UST: variants seen among roughly 807,000 people sequenced by gnomAD.
UST encodes chondroitin sulfate 2-O-sulfotransferase.
Under a neutral mutation model 45.6 loss-of-function variants are expected in UST, and 21 were observed. The observed-to-expected ratio is 0.46, with a 90% CI of 0.33 to 0.66. The LOEUF is 0.66. Ranked by LOEUF, UST falls within the 30% of genes least tolerant of loss-of-function variation. UST has a pLI of 0.02. For synonymous variants in UST, 215 were observed against 200.6 expected (o/e 1.07, Z -0.61); for missense variants, 463 against 512.4 (o/e 0.90, Z 0.93).
intron 1 of UST, among the ~76,000 whole-genome samples, chr6:148,851,029 G>A (rs1381146603): frequency 6.6e-6 from 1 of 152,090 alleles, no homozygotes; most frequent in Non-Finnish European, 1.5e-5. Context: ...TGCCATTCCA[G>A]AACTCACCCT....
At chr6:148,958,138 A>G (rs1277089933) in intron 4 of UST, among the ~76,000 whole-genome samples, 1 of 152,194 alleles carries the variant, frequency 6.6e-6, no homozygotes, top group Non-Finnish European at 1.5e-5. Flanking sequence ...GTCATGTACA[A>G]TGCGATCCCG....
chr6:149,047,885 A>T (rs917201304), intron 7 of UST, among the ~76,000 whole-genome samples: 2 of 152,218 alleles, frequency 1.3e-5, no homozygotes, highest in Non-Finnish European at 2.9e-5. Flanking sequence ...GCCCAACAAG[A>T]TTCAAAAATA....
chr6:148,877,360 ATCGTGTATGAGTGGGGGGG>A (rs1778687626), intron 1 of UST, among the ~76,000 whole-genome samples: 1 of 35,138 alleles, frequency 2.8e-5, no homozygotes, highest in African/African-American at 1.3e-4. Flanking sequence ...GAGTGCAGAG[ATCGTGTATGAGTGGGGGGG>A]TCGTGTATGA....
intron 7 of UST, among the ~76,000 whole-genome samples, chr6:149,070,570 C>T (rs564730400): frequency 6.6e-6 from 1 of 152,118 alleles, no homozygotes; most frequent in Non-Finnish European, 1.5e-5. Flanking sequence ...AAGTAATACC[C>T]TTATTCAATG....
intron 1 of UST, among the ~76,000 whole-genome samples, chr6:148,754,139 C>T (rs186882006): frequency 2.0e-4 from 31 of 151,960 alleles, no homozygotes; most frequent in Non-Finnish European, 2.6e-4. Context: ...GGACTACAGG[C>T]GGCCGCCACC....
chr6:148,753,842 A>AT (rs1489830541), intron 1 of UST, among the ~76,000 whole-genome samples: 1 of 151,800 alleles, frequency 6.6e-6, no homozygotes, highest in Non-Finnish European at 1.5e-5. Flanking sequence ...GCCATTTCTT[A>AT]TTTTCCATTT....
intron 5 of UST, among the ~76,000 whole-genome samples, chr6:149,015,505 A>G (rs1388447144): frequency 2.0e-5 from 3 of 152,182 alleles, no homozygotes; most frequent in Non-Finnish European, 1.5e-5. Flanking sequence ...GTGTGCCAAG[A>G]CTCAGGAACC....
intron 7 of UST, among the ~76,000 whole-genome samples, chr6:149,030,997 A>G (rs1408420596): frequency 6.6e-6 from 1 of 152,076 alleles, no homozygotes; most frequent in Non-Finnish European, 1.5e-5. Context: ...TCACAAGGTC[A>G]GGAGTTCGAG....
In UST at chr6:148,911,515, T is replaced by C. The variant is rs556233704; in HGVS notation, c.291+24486T>C. Among the ~76,000 whole-genome samples the C allele has an allele frequency of 1.4e-4, 21 of 152,332 alleles. No homozygotes were observed. The South Asian group carries it at 2.5e-3, about 18-fold the overall frequency. ...GGGAGGCAACTAGCTCTTACCTTAT[T>C]CTTAGCAATCTTTGGTTCTGTTGAT... On this transcript the variant is annotated intron_variant, in intron 2 of 7. Transcript: ENST00000367463.
At chr6:148,903,687 A>T (rs1416511216) in intron 2 of UST, among the ~76,000 whole-genome samples, 1 of 152,052 alleles carries the variant, frequency 6.6e-6, no homozygotes, top group Non-Finnish European at 1.5e-5. Context: ...TGACCGGAAG[A>T]GGAAATGCTC....
intron 1 of UST, among the ~76,000 whole-genome samples, chr6:148,843,189 C>A (rs1472169880): frequency 6.6e-6 from 1 of 152,208 alleles, no homozygotes; most frequent in Non-Finnish European, 1.5e-5. Flanking sequence ...AAGTCCACAT[C>A]CCCTTCTGAA....
At chr6:148,762,434 T>G (rs1169560060) in intron 1 of UST, among the ~76,000 whole-genome samples, 1 of 152,168 alleles carries the variant, frequency 6.6e-6, no homozygotes, top group African/African-American at 2.4e-5. Flanking sequence ...TGACCCAAAC[T>G]CTGTCATAGA....
chr6:148,924,131 G>A (rs1779768541), intron 2 of UST, among the ~76,000 whole-genome samples: 1 of 152,192 alleles, frequency 6.6e-6, no homozygotes, highest in African/African-American at 2.4e-5. Context: ...AGATGGGTCA[G>A]CAAACTATGA....
At chr6:148,823,821 A>G (rs969203687) in intron 1 of UST, among the ~76,000 whole-genome samples, 2 of 152,208 alleles carry the variant, frequency 1.3e-5, no homozygotes, top group African/African-American at 4.8e-5. Flanking sequence ...AAGGAGAAAA[A>G]TCACCTTCAG....
intron 1 of UST, among the ~76,000 whole-genome samples, chr6:148,755,490 C>T (rs1321639220): frequency 6.6e-6 from 1 of 152,076 alleles, no homozygotes; most frequent in Non-Finnish European, 1.5e-5. Context: ...AAATGGTCTG[C>T]CTCTATGTCT....
intron 1 of UST, among the ~76,000 whole-genome samples, chr6:148,785,465 A>G (rs1412301077): frequency 6.6e-6 from 1 of 152,228 alleles, no homozygotes; most frequent in Non-Finnish European, 1.5e-5. Context: ...GGCAATGCAA[A>G]TGAAAATTGC....
chr6:148,908,882 G>C (rs1277721129), intron 2 of UST, among the ~76,000 whole-genome samples: 1 of 152,110 alleles, frequency 6.6e-6, no homozygotes, highest in Non-Finnish European at 1.5e-5. Flanking sequence ...ATTTATTGGA[G>C]GTCTGAGAAC....
chr6:148,793,875 T>C (rs758845733), intron 1 of UST, among the ~76,000 whole-genome samples: 9 of 152,212 alleles, frequency 5.9e-5, no homozygotes, highest in Non-Finnish European at 8.8e-5. Context: ...CCACCTTCCA[T>C]TTTACTGTTG....
intron 7 of UST, among the ~76,000 whole-genome samples, chr6:149,029,061 C>CTAA (rs907560791): frequency 6.6e-6 from 1 of 152,046 alleles, no homozygotes; most frequent in African/African-American, 2.4e-5. Context: ...ACTAGGTTCC[C>CTAA]TAATAGACTT....
Sources: gnomAD v4.1 joint callset for allele counts (sites outside exome capture counted in the v4.1 genomes callset) on GRCh38, gnomAD v4.1.1 for gene constraint, MANE v1.5 for transcripts, NCBI Gene and HGNC (gene_info 2026-07-23, HGNC 2026-07-21) for gene names.